The following TXLNG variants were observed in gnomAD, a reference collection of about 807,000 sequenced individuals.
The protein encoded by TXLNG is gamma-taxilin.
In TXLNG, 5 loss-of-function variants were observed where a neutral mutation model predicts 38.8. The ratio of observed to expected loss-of-function variants is 0.13; its 90% CI spans 0.07 to 0.27. The LOEUF (loss-of-function observed/expected upper bound fraction) is 0.27. TXLNG is among the 10% of genes least tolerant of loss of function. TXLNG has a pLI of 1.00. For synonymous variants in TXLNG, 182 were observed against 158.2 expected (o/e 1.15, Z -1.13); for missense variants, 393 against 398.2 (o/e 0.99, Z 0.11).
At chrX:16,828,864 T>TCCCTTTATG (rs770038034) in intron 4 of TXLNG, among the ~76,000 whole-genome samples, 2 of 111,631 alleles carry the variant, frequency 1.8e-5, no homozygotes, top group Non-Finnish European at 3.8e-5. Context: ...TGGGACAGAC[T>TCCCTTTATG]CCCTTTATGC....
In TXLNG at chrX:16,820,213, A is replaced by G. The variant is rs1337135896; in HGVS notation, c.456A>G (p.Pro152=). Residue 152 remains proline (P), a synonymous_variant, in exon 3 of 10, where the codon CCA becomes CCG. Transcript: ENST00000380122. ...AAGCCCTAAACACCCTTTCAACCCC[A>G]GAGGAGAAGCTGGCAGCTCTCTGTA... is the stretch of plus-strand genomic sequence containing the variant. ...LMQALNTLST[P]EEKLAALCKK... The G allele has an allele frequency of 8.3e-7, 1 of 1,208,845 alleles. No individual in the cohort carries two copies. The highest frequency in any genetic ancestry group is 1.1e-6 in the Non-Finnish European group (1 of 894,776).
chrX:16,837,710 A>C (rs778527505), intron 8 of TXLNG, 25 bp downstream of exon 8: 9 of 1,085,361 alleles, frequency 8.3e-6, no homozygotes, highest in Non-Finnish European at 1.0e-5. Flanking sequence ...TTAGTAGAAT[A>C]GTATATCAAA....
At chrX:16,830,783 TAG>T (rs1929364644) in intron 5 of TXLNG, among the ~76,000 whole-genome samples, 2 of 100,695 alleles carry the variant, frequency 2.0e-5, no homozygotes, top group Non-Finnish European at 2.0e-5. Context: ...TAACAAAAAG[TAG>T]AGAGATAATA....
intron 1 of TXLNG, among the ~76,000 whole-genome samples, chrX:16,815,384 A>G (rs998528924): frequency 3.6e-4 from 40 of 110,787 alleles, no homozygotes; most frequent in African/African-American, 1.3e-3. Flanking sequence ...CATGTTGATC[A>G]GGCTGGTCTC....
In TXLNG at chrX:16,837,653, C is replaced by T; in HGVS notation, c.1120C>T (p.Leu374=). 8.3e-7 allele frequency: 1 copy of T among 1,204,049 alleles called. No homozygotes were observed. Among genetic ancestry groups the T allele is most frequent in the Non-Finnish European group, 1.1e-6 (1 of 891,006 alleles). ...FQTTMAKSNE[L]FTTFRQEMEK... is the part of the protein sequence containing the mutation. ...GACTACCATGGCAAAAAGCAATGAACTGTTTACAACCTTCAGACAGGAAAT... is the reference window on the plus strand; with the variant it reads ...GACTACCATGGCAAAAAGCAATGAATTGTTTACAACCTTCAGACAGGAAAT... The change falls in exon 8 of 10, where the codon CTG becomes TTG. Residue 374 remains leucine, a synonymous_variant. Coordinates refer to ENST00000380122, the MANE Select transcript of TXLNG (RefSeq NM_018360.3).
intron 3 of TXLNG, among the ~76,000 whole-genome samples, chrX:16,820,792 C>T (rs946155311): frequency 9.8e-5 from 11 of 112,127 alleles, no homozygotes; most frequent in African/African-American, 2.9e-4. Context: ...TTTTTTGAGA[C>T]GGAGTCTCGC....
intron 1 of TXLNG, among the ~76,000 whole-genome samples, chrX:16,811,194 CA>C (rs1402222581): frequency 4.5e-5 from 5 of 111,007 alleles, no homozygotes; most frequent in Non-Finnish European, 9.4e-5. Flanking sequence ...TCTGGAAAGA[CA>C]AAAAAATCGG....
At chrX:16,799,414 A>G (rs967932238) in intron 1 of TXLNG, among the ~76,000 whole-genome samples, 21 of 111,646 alleles carry the variant, frequency 1.9e-4, no homozygotes, top group African/African-American at 6.8e-4. Context: ...TTCTTTAGCT[A>G]TACAATGGGG....
chrX:16,840,397 C>CA, intron 9 of TXLNG: 1 of 744,898 alleles, frequency 1.3e-6, no homozygotes, highest in Non-Finnish European at 1.6e-6. Flanking sequence ...ATTAGGCTTT[C>CA]AAAAAAAGCA....
chrX:16,836,853 G>A (rs767106490), intron 7 of TXLNG, among the ~76,000 whole-genome samples: 92 of 111,593 alleles, frequency 8.2e-4, no homozygotes, highest in Non-Finnish European at 1.5e-3. Context: ...GATAGTCTCT[G>A]AAAGGTTCCC....
At chrX:16,800,817 G>A (rs1193137268) in intron 1 of TXLNG, among the ~76,000 whole-genome samples, 1 of 111,546 alleles carries the variant, frequency 9.0e-6, no homozygotes. Flanking sequence ...ACCTGATACG[G>A]TTTGGATCTT....
chrX:16,841,779 T>C lies in TXLNG; in HGVS notation c.*13T>C, dbSNP rs1436943505. 8.4e-7 allele frequency: 1 copy of C among 1,192,881 alleles called. No homozygotes were observed. ...GTCGGTTGACTAAGATGAGGTGTGA[T>C]CACTGTATTGAGAGATATATTTTGT... On this transcript the variant is annotated 3_prime_UTR_variant, in exon 10 of 10. Coordinates refer to ENST00000380122, the MANE Select transcript of TXLNG (RefSeq NM_018360.3).
intron 1 of TXLNG, among the ~76,000 whole-genome samples, chrX:16,812,005 CT>C (rs1928538032): frequency 9.4e-6 from 1 of 106,589 alleles, no homozygotes; most frequent in South Asian, 4.1e-4. Context: ...ACTTTTTTTT[CT>C]TTCTTTTTTT....
intron 1 of TXLNG, among the ~76,000 whole-genome samples, chrX:16,802,376 G>A (rs763059210): frequency 7.5e-5 from 8 of 107,187 alleles, no homozygotes; most frequent in South Asian, 4.3e-4. Flanking sequence ...TGAGCCTCCC[G>A]AGTAGCTGGG....
At chrX:16,810,114 A>G (rs778641537) in intron 1 of TXLNG, among the ~76,000 whole-genome samples, 1 of 112,230 alleles carries the variant, frequency 8.9e-6, no homozygotes, top group Admixed American at 9.5e-5. Flanking sequence ...AATGGAGAAA[A>G]TAATAGTGCC....
At chrX:16,839,969 A>C in intron 9 of TXLNG, 53 bp downstream of exon 9, 1 of 959,489 alleles carries the variant, frequency 1.0e-6, no homozygotes, top group Non-Finnish European at 1.4e-6. Context: ...GGACTCCTTG[A>C]GTTCAGGTAC....
At chrX:16,833,916 A>G (rs1929502689) in intron 6 of TXLNG, among the ~76,000 whole-genome samples, 1 of 112,425 alleles carries the variant, frequency 8.9e-6, no homozygotes, top group African/African-American at 3.2e-5. Context: ...GCCTCAGGGA[A>G]TAGCGGGGCT....
At chrX:16,833,964 G>A (rs1412762278) in intron 6 of TXLNG, among the ~76,000 whole-genome samples, 1 of 112,190 alleles carries the variant, frequency 8.9e-6, no homozygotes, top group Non-Finnish European at 1.9e-5. Context: ...ATTATCAGCC[G>A]TGTTCTCTGC....
intron 6 of TXLNG, among the ~76,000 whole-genome samples, chrX:16,833,485 C>T (rs138933131): frequency 0.041 from 4,621 of 111,932 alleles, 111 homozygotes; most frequent in Middle Eastern, 0.098. Flanking sequence ...CCTCGTCATG[C>T]GGGCATGTCA....
Sources: allele counts gnomAD v4.1 joint callset (sites outside exome capture counted in the v4.1 genomes callset), GRCh38; gene constraint gnomAD v4.1.1; transcripts MANE v1.5; gene names NCBI Gene and HGNC (gene_info 2026-07-23, HGNC 2026-07-21).